The following SHH variants were observed in gnomAD, a reference collection of about 807,000 sequenced individuals.
SHH encodes the protein sonic hedgehog signaling molecule, also known as sonic hedgehog protein.
In SHH, 3 loss-of-function variants were observed where a neutral mutation model predicts 16.6. The ratio of observed to expected loss-of-function variants is 0.18; its 90% CI spans 0.08 to 0.47. The LOEUF (loss-of-function observed/expected upper bound fraction) is 0.47. Ranked by LOEUF, SHH falls within the 20% of genes least tolerant of loss-of-function variation. The pLI, the probability that SHH is intolerant of heterozygous loss-of-function variation, is 0.98. For synonymous variants in SHH, 351 were observed against 316.2 expected (o/e 1.11, Z -1.17); for missense variants, 499 against 665.0 (o/e 0.75, Z 2.75).
Position 155,803,017 on chromosome 7 carries a change from CGG to C in SHH, c.1270_1271del (p.Pro424GlyfsTer73). 6.5e-7 allele frequency: 1 copy of C among 1,548,984 alleles called. No individual in the cohort carries two copies. The highest frequency in any genetic ancestry group is 8.7e-7 in the Non-Finnish European group (1 of 1,148,946). On this transcript the variant is annotated frameshift_variant, in exon 3 of 3. Coordinates refer to ENST00000297261, the MANE Select transcript of SHH (RefSeq NM_000193.4). LOFTEE classifies it low-confidence loss of function (END_TRUNC). ...ALTAPGAADA[P>X]GAGATAGIHW... ...GGATGCCCGCGGTGGCCCCCGCACC[CGG>C]AGCGTCGGCAGCACCTGGAGCGGTT...
chr7:155,812,086 C>T lies in SHH; in HGVS notation c.37G>A (p.Val13Ile). 2 of 1,614,200 alleles carry T rather than the reference C, an allele frequency of 1.2e-6. No homozygotes were observed. Among genetic ancestry groups the T allele is most frequent in the Non-Finnish European group, 1.7e-6 (2 of 1,180,024 alleles). ...LLARCLLLVLVSSLLVCSGLA... is the reference protein window; with the variant it reads ...LLARCLLLVLISSLLVCSGLA... ...CCCGAGCATACCAGCAGCGAGGAGACGAGGACTAGCAGCAGACATCTCGCC... is the reference window on the plus strand; with the variant it reads ...CCCGAGCATACCAGCAGCGAGGAGATGAGGACTAGCAGCAGACATCTCGCC... Residue 13 changes from valine to isoleucine, a missense_variant, in exon 1 of 3, where the codon GTC (valine) becomes ATC (isoleucine). Coordinates refer to ENST00000297261, the MANE Select transcript of SHH (RefSeq NM_000193.4).
At position 155,800,619 on chromosome 7, in the gene SHH, T is replaced by A. The variant is rs1325720040; in HGVS notation, c.*2281A>T. 1 of 470,688 alleles carries A rather than the reference T, an allele frequency of 2.1e-6. No individual in the cohort carries two copies. Among genetic ancestry groups the A allele is most frequent in the Non-Finnish European group, 4.4e-6 (1 of 227,004 alleles). 29.2% of individuals were successfully genotyped at this position (470,688 alleles called of 1,614,324 possible). ...TGAACTGTCAAAAGAACAGAAACCATCGCACTTCCTCCGAGATTGTAAACA... is the reference window on the plus strand; with the variant it reads ...TGAACTGTCAAAAGAACAGAAACCAACGCACTTCCTCCGAGATTGTAAACA... On this transcript the variant is annotated 3_prime_UTR_variant, in exon 3 of 3. Transcript: ENST00000297261.
Position 155,800,600 on chromosome 7 carries a change from G to C in SHH, c.*2300C>G, listed in dbSNP as rs1471559607. On this transcript the variant is annotated 3_prime_UTR_variant, in exon 3 of 3. Coordinates refer to ENST00000297261, the MANE Select transcript of SHH (RefSeq NM_000193.4). ...GACTGACTTGAAATCAGACTGAACT[G>C]TCAAAAGAACAGAAACCATCGCACT... is the stretch of plus-strand genomic sequence containing the variant. 6.4e-6 allele frequency: 3 copies of C among 470,770 alleles called. No homozygotes were observed. Among genetic ancestry groups the C allele is most frequent in the South Asian group, 1.5e-5 (1 of 64,580 alleles). The allele number at this position is 470,770 out of a possible 1,614,324, so 29.2% of individuals were successfully genotyped here.
In SHH at chr7:155,811,941, C is replaced by G; in HGVS notation, c.182G>C (p.Arg61Thr). 6.2e-7 allele frequency: 1 copy of G among 1,614,182 alleles called. No homozygotes were observed. The highest frequency in any genetic ancestry group is 8.5e-7 in the Non-Finnish European group (1 of 1,180,038). The stretch of plus-strand genomic sequence containing the variant: ...GTTTCTGGAGATCTTCCCTTCATAC[C>G]TTCCGCTGGCGCCTAGGGTCTTCTC... ...VAEKTLGASG[R>T]YEGKISRNSE... The change falls in exon 1 of 3, where the codon AGG (arginine) becomes ACG (threonine). Residue 61 changes from arginine (R) to threonine (T), a missense_variant. Physicochemically the swap from Arg to Thr is moderately conservative, Grantham distance 71. Coordinates refer to ENST00000297261, the MANE Select transcript of SHH (RefSeq NM_000193.4).
At position 155,803,704 on chromosome 7, in the gene SHH, C is replaced by T. The variant is rs372353493; in HGVS notation, c.585G>A (p.Ser195=). 3 of 1,597,458 alleles carry T rather than the reference C, an allele frequency of 1.9e-6. No individual in the cohort carries two copies. The highest frequency in any genetic ancestry group is 2.5e-6 in the Non-Finnish European group (3 of 1,179,454). The part of the protein sequence containing the change: ...VKAENSVAAK[S]GGCFPGSATV... ...TGGCCGAGCCCGGGAAGCAGCCTCC[C>T]GATTTGGCCGCCACCGAGTTCTCTG... Residue 195 remains serine, a synonymous_variant, in exon 3 of 3, where the codon TCG becomes TCA. Transcript: ENST00000297261.
chr7:155,806,310 C>A lies in SHH; in HGVS notation c.548G>T (p.Cys183Phe). ...GGCCAGCTTACCTGCTTTCACCGAG[C>A]AGTGGATATGTGCCTTGGACTCGTA... is the stretch of plus-strand genomic sequence containing the variant. ...VYYESKAHIH[C>F]SVKAENSVAA... Residue 183 changes from cysteine to phenylalanine, a missense_variant, in exon 2 of 3, where the codon TGC becomes TTC. Around this residue, in one of 4 missense-constraint regions of SHH, gnomAD observed 114 missense variants for 200.4 expected, o/e 0.57. Coordinates refer to ENST00000297261, the MANE Select transcript of SHH (RefSeq NM_000193.4). The A allele has an allele frequency of 6.2e-7, 1 of 1,613,270 alleles. No homozygotes were observed. Among genetic ancestry groups the A allele is most frequent in the Non-Finnish European group, 8.5e-7 (1 of 1,180,046 alleles).
rs1479285892 is a variant in SHH, at chr7:155,803,621, C to T, written c.668G>A (p.Arg223His). The change falls in exon 3 of 3, where the codon CGC becomes CAC. Residue 223 changes from arginine (R) to histidine (H), a missense_variant. Coordinates refer to ENST00000297261, the MANE Select transcript of SHH (RefSeq NM_000193.4). ...KLVKDLSPGDRVLAADDQGRL... is the reference protein window; with the variant it reads ...KLVKDLSPGDHVLAADDQGRL... ...GCCCTGGTCGTCCGCCGCCAGCACG[C>T]GGTCCCCGGGGCTCAGGTCCTTCAC... 2 of 1,598,412 alleles carry T rather than the reference C, an allele frequency of 1.3e-6. No homozygotes were observed. The highest frequency in any genetic ancestry group is 1.7e-4 in the Middle Eastern group (1 of 5,956).
chr7:155,804,931 G>T (rs905525662), intron 2 of SHH, among the ~76,000 whole-genome samples: 1 of 152,248 alleles, frequency 6.6e-6, no homozygotes, highest in East Asian at 1.9e-4. Flanking sequence ...CATGAAGTGC[G>T]GGGCTGGCCG....
At position 155,803,072 on chromosome 7, in the gene SHH, C is replaced by T. The variant is rs1321845312; in HGVS notation, c.1217G>A (p.Arg406His). ...GGCTACTCTGCCGCCGCCGCCCCCG[C>T]GGTCCCCGCCGCCGCTGTCCCCGCC... ...DRGGDSGGGDRGGGGGRVALT... is the reference protein window; with the variant it reads ...DRGGDSGGGDHGGGGGRVALT... Residue 406 changes from arginine to histidine, a missense_variant, in exon 3 of 3, where the codon CGC becomes CAC. Transcript: ENST00000297261. The T allele has an allele frequency of 2.2e-6, 3 of 1,372,706 alleles. No homozygotes were observed. The highest frequency in any genetic ancestry group is 2.8e-6 in the Non-Finnish European group (3 of 1,061,142). The allele number at this position is 1,372,706 out of a possible 1,614,324, so 85.0% of individuals were successfully genotyped here.
intron 2 of SHH, among the ~76,000 whole-genome samples, chr7:155,805,086 G>C (rs1267600279): frequency 6.6e-6 from 1 of 152,036 alleles, no homozygotes; most frequent in Non-Finnish European, 1.5e-5. Context: ...CCGCGCCGCG[G>C]CTCCGCTCTC....
At chr7:155,805,693 G>A (rs934088702) in intron 2 of SHH, among the ~76,000 whole-genome samples, 24 of 152,142 alleles carry the variant, frequency 1.6e-4, no homozygotes, top group African/African-American at 5.8e-4. Context: ...CCTGCCCGCC[G>A]CCCAGGGCGT....
Position 155,802,856 on chromosome 7 carries a change from C to T in SHH, c.*44G>A. On this transcript the variant is annotated 3_prime_UTR_variant, in exon 3 of 3. Transcript: ENST00000297261. ...TTTTTGCTTTGCGTTGCTGTTGCTG[C>T]CCCGCCCCGCCCCCTCCCGCGCCCC... The T allele has an allele frequency of 3.2e-6, 2 of 615,918 alleles. No individual in the cohort carries two copies. Among genetic ancestry groups the T allele is most frequent in the Non-Finnish European group, 5.1e-6 (2 of 395,364 alleles). The allele number at this position is 615,918 out of a possible 1,614,324, so 38.2% of individuals were successfully genotyped here. A position where few individuals can be genotyped will look rare whatever the true frequency, so the allele number is the denominator to read the frequency against.
In SHH at chr7:155,801,732, A is replaced by G. The variant is rs975408789; in HGVS notation, c.*1168T>C. 7 of 152,228 alleles carry G rather than the reference A, an allele frequency of 4.6e-5. No homozygotes were observed. Among genetic ancestry groups the G allele is most frequent in the African/African-American group, 9.6e-5 (4 of 41,464 alleles). The allele number at this position is 152,228 out of a possible 1,614,324, so 9.4% of individuals were successfully genotyped here. ...TCTGAGTTCACAGTATAAGCAACAC[A>G]TCTAAATAGAATATTGGGAGCTCCT... On this transcript the variant is annotated 3_prime_UTR_variant, in exon 3 of 3. Coordinates refer to ENST00000297261, the MANE Select transcript of SHH (RefSeq NM_000193.4).
rs2117125429 is a variant in SHH at position 155,803,065 on chromosome 7, GC to G, written c.1223del (p.Gly408AlafsTer6). 7.2e-7 allele frequency: 1 copy of G among 1,393,570 alleles called. No homozygotes were observed. The highest frequency in any genetic ancestry group is 9.3e-7 in the Non-Finnish European group (1 of 1,071,290). 86.3% of individuals were successfully genotyped at this position (1,393,570 alleles called of 1,614,324 possible). On this transcript the variant is annotated frameshift_variant, in exon 3 of 3. Coordinates refer to ENST00000297261, the MANE Select transcript of SHH (RefSeq NM_000193.4). LOFTEE classifies it low-confidence loss of function (END_TRUNC). ...CGGTTAGGGCTACTCTGCCGCCGCCGCCCCCGCGGTCCCCGCCGCCGCTGTC... is the reference window on the plus strand; with the variant it reads ...CGGTTAGGGCTACTCTGCCGCCGCCGCCCCGCGGTCCCCGCCGCCGCTGTC... ...GGDSGGGDRG[G>X]GGGRVALTAP...
chr7:155,803,479 G>T lies in SHH; in HGVS notation c.810C>A (p.His270Gln). The change falls in exon 3 of 3, where the codon CAC (histidine) becomes CAA (glutamine). Residue 270 changes from histidine to glutamine, a missense_variant. This residue lies in a region of SHH where 114 missense variants were observed against 200.4 expected (regional missense o/e 0.57). Transcript: ENST00000297261. The part of the protein sequence containing the change: ...PRERLLLTAA[H>Q]LLFVAPHNDS... ...CGTTGTGCGGCGCCACAAAGAGCAG[G>T]TGCGCGGCGGTGAGCAGCAGGCGCT... The T allele has an allele frequency of 6.4e-7, 1 of 1,564,042 alleles. No homozygotes were observed.
rs9333622 is a variant in SHH, at chr7:155,806,116, G to A, written c.562+180C>T. Among the ~76,000 whole-genome samples, 250 of 152,346 alleles carry A rather than the reference G, an allele frequency of 1.6e-3. 1 individual carries two copies. Among genetic ancestry groups the A allele is most frequent in the African/African-American group, 5.7e-3 (239 of 41,586 alleles). On this transcript the variant is annotated intron_variant, in intron 2 of 2. Transcript: ENST00000297261. ...CTTGGGCTCTGTGGCCTCAAAGGTA[G>A]GGGTGATTTCGAGGGGCCGGCACCT...
chr7:155,808,995 G>C (rs901439098), intron 1 of SHH: 11 of 152,422 alleles, frequency 7.2e-5, no homozygotes, highest in Non-Finnish European at 1.5e-4. Flanking sequence ...CCCCATACCT[G>C]AGCGTCTTTC....
In SHH at chr7:155,807,773, A is replaced by T. The variant is rs1209547286; in HGVS notation, c.301-1216T>A. ...ACAGATGACGATGGTGGCATCCCCC[A>T]AGAAGCTGCGCCAAGTGGAGGCCGA... On this transcript the variant is annotated intron_variant, in intron 1 of 2. Transcript: ENST00000297261. This position sits in a 1 kb window ranked among gnomAD's most constrained non-coding sequence, Gnocchi z 7.1. Among the ~76,000 whole-genome samples, 2 of 152,144 alleles carry T rather than the reference A, an allele frequency of 1.3e-5. No individual in the cohort carries two copies. Among genetic ancestry groups the T allele is most frequent in the Non-Finnish European group, 2.9e-5 (2 of 68,030 alleles).
chr7:155,811,788 G>A, intron 1 of SHH, 35 bp downstream of exon 1: 4 of 1,605,952 alleles, frequency 2.5e-6, no homozygotes, highest in Non-Finnish European at 2.6e-6. Context: ...CCCCTGGAAA[G>A]CCACACATTC....
Sources: allele counts gnomAD v4.1 joint callset (sites outside exome capture counted in the v4.1 genomes callset), GRCh38; gene constraint gnomAD v4.1.1; regional missense constraint gnomAD v4.1.1; non-coding constraint Gnocchi (gnomAD v3.1); transcripts MANE v1.5; gene names NCBI Gene and HGNC (gene_info 2026-07-23, HGNC 2026-07-21).